Variants in MAP3K19 observed in about 807,000 individuals in gnomAD.
MAP3K19 encodes mitogen-activated protein kinase kinase kinase 19, also known as SPS1/STE20-related protein kinase YSK4.
A neutral mutation model predicts 114.4 loss-of-function variants in MAP3K19; 91 were observed. That is an observed-to-expected ratio of 0.80 (90% CI 0.67 to 0.95). The LOEUF (loss-of-function observed/expected upper bound fraction) is 0.95, where lower values mean the gene tolerates loss of function less well. Among genes scored for constraint, MAP3K19 ranks in the 40% least tolerant of loss-of-function variants. The pLI is 0.00. For synonymous variants in MAP3K19, 518 were observed against 530.5 expected, an observed-to-expected ratio of 0.98 and a Z score of 0.32; for missense variants, 1,471 against 1,573.2, an observed-to-expected ratio of 0.94 and a Z score of 1.10.
intron 6 of MAP3K19, among the ~76,000 whole-genome samples, chr2:135,002,076 C>A (rs1047511302): frequency 2.0e-5 from 3 of 152,140 alleles, no homozygotes; most frequent in Non-Finnish European, 4.4e-5. Flanking sequence ...TCAAGCTACC[C>A]AGTAGGCCAG....
chr2:135,027,397 AAAAG>A (rs1035084383), intron 3 of MAP3K19, among the ~76,000 whole-genome samples: 44 of 134,976 alleles, frequency 3.3e-4, no homozygotes, highest in African/African-American at 8.7e-4. Flanking sequence ...AGAAAGAAAG[AAAAG>A]AAAGAAAGAA....
chr2:134,998,916 C>G lies in MAP3K19; in HGVS notation c.396G>C (p.Arg132Ser). 1 of 1,614,132 alleles carries G rather than the reference C, an allele frequency of 6.2e-7. No homozygotes were observed. Among genetic ancestry groups the G allele is most frequent in the Non-Finnish European group, 8.5e-7 (1 of 1,180,028 alleles). Residue 132 changes from arginine to serine, a missense_variant, in exon 8 of 13, where the codon AGG (arginine) becomes AGC (serine). Arg to Ser is a moderately radical substitution (Grantham distance 110). Transcript: ENST00000392915. ...HPNEIETVEL[R>S]KKKLTMRPLV... ...AGGGCCGCATGGTCAGCTTCTTTTT[C>G]CTGAGCTCCACCGTTTCTATTTCAT...
chr2:135,032,582 TG>T (rs1295775351), intron 2 of MAP3K19, among the ~76,000 whole-genome samples: 1 of 126,208 alleles, frequency 7.9e-6, no homozygotes. Context: ...AAATGTTGTT[TG>T]TTTTTTTTTT....
chr2:135,018,948 G>A (rs908306450), intron 5 of MAP3K19, among the ~76,000 whole-genome samples: 1 of 152,142 alleles, frequency 6.6e-6, no homozygotes, highest in African/African-American at 2.4e-5. Context: ...AGCCAGGCGT[G>A]GTGGTGGGCA....
chr2:134,995,918 T>C (rs889905636), intron 8 of MAP3K19, among the ~76,000 whole-genome samples: 1 of 151,884 alleles, frequency 6.6e-6, no homozygotes, highest in African/African-American at 2.4e-5. Context: ...AATATGAAAG[T>C]ACACACTAGA....
At chr2:135,028,954 A>G (rs1413999790) in intron 3 of MAP3K19, among the ~76,000 whole-genome samples, 1 of 152,252 alleles carries the variant, frequency 6.6e-6, no homozygotes, top group East Asian at 1.9e-4. Context: ...AAAATTTTGA[A>G]CTGAGAATAG....
rs758715805 is a variant in MAP3K19, at chr2:134,987,199, C to A, written c.1673G>T (p.Gly558Val). The change falls in exon 10 of 13, where the codon GGT becomes GTT. Residue 558 changes from glycine to valine, a missense_variant. Gly to Val is a moderately radical substitution (Grantham distance 109). Transcript: ENST00000392915. ...TPQNFVISTEGPIKPTMHKTS... is the reference protein window; with the variant it reads ...TPQNFVISTEVPIKPTMHKTS... ...TTTATGCATGGTAGGCTTAATGGGA[C>A]CTTCAGTAGAAATCACAAAATTCTG... 3.1e-6 allele frequency: 5 copies of A among 1,614,062 alleles called. No homozygotes were observed. Among genetic ancestry groups the A allele is most frequent in the Middle Eastern group, 1.6e-4 (1 of 6,062 alleles).
In MAP3K19 at chr2:134,981,510, A is replaced by G. The variant is rs957748919; in HGVS notation, c.3231T>C (p.Cys1077=). The change falls in exon 12 of 13, where the codon TGT becomes TGC. Residue 1077 remains cysteine (C), a synonymous_variant. Coordinates refer to ENST00000392915, the MANE Select transcript of MAP3K19 (RefSeq NM_025052.5). ...TTAGCTGTCCTTGACTAGTGAGACC[A>G]CAGTATACCTAGAAGCAAATCAATA... ...LGKGAYGTVY[C]GLTSQGQLIA... 3 of 1,608,382 alleles carry G rather than the reference A, an allele frequency of 1.9e-6. No individual in the cohort carries two copies. In the Admixed American group the frequency reaches 5.1e-5, roughly 27 times the overall value.
chr2:135,027,371 GA>G (rs1688281244), intron 3 of MAP3K19, among the ~76,000 whole-genome samples: 1 of 136,108 alleles, frequency 7.3e-6, no homozygotes, highest in African/African-American at 2.8e-5. Context: ...GAAAGAGAGA[GA>G]GAAAGAAAGA....
At chr2:135,030,954 G>A (rs1411741673) in intron 2 of MAP3K19, among the ~76,000 whole-genome samples, 1 of 152,068 alleles carries the variant, frequency 6.6e-6, no homozygotes, top group Non-Finnish European at 1.5e-5. Context: ...AAACAAAGAT[G>A]ATTCAGGCTT....
Position 134,977,728 on chromosome 2 carries a change from CTCAA to C in MAP3K19, c.3920+3089_3920+3092del, listed in dbSNP as rs908907860. 1.1e-3 allele frequency among the ~76,000 whole-genome samples: 164 copies of C among 152,134 alleles called. 1 individual carries two copies. Among genetic ancestry groups the C allele is most frequent in the African/African-American group, 3.5e-3 (146 of 41,502 alleles). On this transcript the variant is annotated intron_variant, in intron 12 of 12. Coordinates refer to ENST00000392915, the MANE Select transcript of MAP3K19 (RefSeq NM_025052.5). ...CCCAGGCTGATCTCAAACTCCTGCG[CTCAA>C]TCAGTTATTCTGCCTCAGCCTCCCA...
At position 134,998,985 on chromosome 2, in the gene MAP3K19, T is replaced by A. The variant is rs1220549744; in HGVS notation, c.327A>T (p.Ser109=). Residue 109 remains serine (S), a synonymous_variant, in exon 8 of 13, where the codon TCA becomes TCT. Transcript: ENST00000392915. ...GTGCTTGTGCCCATTCTTGAAGCGATGAGTTTATCAGACTAAAGGGGGAGG... is the reference window on the plus strand; with the variant it reads ...GTGCTTGTGCCCATTCTTGAAGCGAAGAGTTTATCAGACTAAAGGGGGAGG... ...EDLKEKNLIN[S]SLQEWAQAHA... is the part of the protein sequence containing the mutation. 8 of 1,612,912 alleles carry A rather than the reference T, an allele frequency of 5.0e-6. No individual in the cohort carries two copies. The highest frequency in any genetic ancestry group is 1.7e-5 in the Admixed American group (1 of 59,724).
intron 6 of MAP3K19, among the ~76,000 whole-genome samples, chr2:135,002,772 T>C (rs1487062835): frequency 6.6e-6 from 1 of 152,100 alleles, no homozygotes; most frequent in African/African-American, 2.4e-5. Flanking sequence ...CTTACATTGA[T>C]AGTGGGAGCG....
intron 1 of MAP3K19, among the ~76,000 whole-genome samples, chr2:135,041,695 C>T (rs540477891): frequency 6.6e-6 from 1 of 152,336 alleles, no homozygotes; most frequent in African/African-American, 2.4e-5. Context: ...ACTTCTGCTT[C>T]TGACACTACA....
intron 8 of MAP3K19, 133 bp from the exon 9 acceptor site, chr2:134,991,713 T>G (rs1033570529): frequency 1.4e-6 from 1 of 716,466 alleles, no homozygotes; most frequent in Admixed American, 2.4e-5. Context: ...AGGTTTCCCC[T>G]GTGGAATTCA....
intron 12 of MAP3K19, among the ~76,000 whole-genome samples, chr2:134,978,295 CTCA>C (rs772504706): frequency 4.0e-5 from 6 of 151,588 alleles, no homozygotes; most frequent in Non-Finnish European, 7.4e-5. Flanking sequence ...AAGCGATCCT[CTCA>C]TCCTCTCACC....
At chr2:135,023,064 C>T (rs1195750872) in intron 4 of MAP3K19, 1 of 169,352 alleles carries the variant, frequency 5.9e-6, no homozygotes, top group African/African-American at 2.4e-5. Flanking sequence ...CTTTCAGTGG[C>T]TCCTCCATTT....
intron 12 of MAP3K19, 182 bp downstream of exon 12, chr2:134,980,639 G>A: frequency 1.6e-6 from 1 of 612,146 alleles, no homozygotes; most frequent in Non-Finnish European, 2.9e-6. Context: ...CCTATACCCT[G>A]ATACAACAAT....
intron 2 of MAP3K19, among the ~76,000 whole-genome samples, chr2:135,032,167 G>C (rs1490362788): frequency 1.3e-5 from 2 of 152,006 alleles, no homozygotes; most frequent in African/African-American, 4.8e-5. Context: ...GACCAGCCTG[G>C]CCAAGATGGT....
Sources: allele counts gnomAD v4.1 joint callset (sites outside exome capture counted in the v4.1 genomes callset), GRCh38; gene constraint gnomAD v4.1.1; transcripts MANE v1.5; gene names NCBI Gene and HGNC (gene_info 2026-07-23, HGNC 2026-07-21).